EPN2: variants seen among roughly 807,000 people sequenced by gnomAD.
The protein encoded by EPN2 is epsin-2.
EPN2 carries 34 observed loss-of-function variants against 61.7 expected under a neutral mutation model. The observed-to-expected ratio is 0.55, with a 90% CI of 0.42 to 0.73. EPN2 has a LOEUF of 0.73. Ranked by LOEUF, EPN2 falls within the 30% of genes least tolerant of loss-of-function variation. The pLI, the probability that EPN2 is intolerant of heterozygous loss-of-function variation, is 0.00. For synonymous variants in EPN2, 349 were observed against 353.6 expected (o/e 0.99, Z 0.15); for missense variants, 714 against 839.2 (o/e 0.85, Z 1.84).
chr17:19,282,806 T>C lies in EPN2; in HGVS notation c.-170-144T>C, dbSNP rs1389567747. 3.3e-5 allele frequency: 8 copies of C among 246,044 alleles called. No individual in the cohort carries two copies. The South Asian group carries it at 3.4e-4, about 10-fold the overall frequency. The allele number at this position is 246,044 out of a possible 1,614,324, so 15.2% of individuals were successfully genotyped here. A position where few individuals can be genotyped will look rare whatever the true frequency, so the allele number is the denominator to read the frequency against. On this transcript the variant is annotated intron_variant, in intron 2 of 10. Transcript: ENST00000314728. The stretch of plus-strand genomic sequence containing the variant: ...TTTTATTCATTGTTGACTGGTGATA[T>C]TGATTTTATCTTGGGTTCGTCCTAA...
chr17:19,285,907 G>C lies in EPN2; in HGVS notation c.766+117G>C, dbSNP rs2045399923. On this transcript the variant is annotated intron_variant, in intron 4 of 10. Transcript: ENST00000314728. The surrounding 1 kb of genome is among the most constrained non-coding windows in gnomAD (Gnocchi z 4.5). ...TGTCTCCTCTGGGCCTGGGGGTTTGGCCTCCAGCAGGCCCAGGAGCCCTTT... is the reference window on the plus strand; with the variant it reads ...TGTCTCCTCTGGGCCTGGGGGTTTGCCCTCCAGCAGGCCCAGGAGCCCTTT... 6 of 1,399,798 alleles carry C rather than the reference G, an allele frequency of 4.3e-6. 1 individual carries two copies. In the South Asian group the frequency reaches 9.9e-5, roughly 23 times the overall value. The allele number at this position is 1,399,798 out of a possible 1,614,324, so 86.7% of individuals were successfully genotyped here. A position where few individuals can be genotyped will look rare whatever the true frequency, so the allele number is the denominator to read the frequency against.
intron 7 of EPN2, among the ~76,000 whole-genome samples, chr17:19,320,790 T>C (rs1050312973): frequency 3.3e-5 from 5 of 152,174 alleles, no homozygotes; most frequent in African/African-American, 1.2e-4. Context: ...AGCCCCTGAA[T>C]TGGACATTTA....
At chr17:19,289,353 G>T (rs1421850994) in intron 4 of EPN2, among the ~76,000 whole-genome samples, 3 of 151,996 alleles carry the variant, frequency 2.0e-5, no homozygotes, top group Non-Finnish European at 4.4e-5. Context: ...CAAAGTGCTG[G>T]GATTACAGGT....
chr17:19,334,301 G>A lies in EPN2; in HGVS notation c.*47G>A, dbSNP rs946229421. The A allele has an allele frequency of 6.4e-5, 86 of 1,352,018 alleles. No individual in the cohort carries two copies. The highest frequency in any genetic ancestry group is 8.2e-5 in the Non-Finnish European group (85 of 1,037,942). The allele number at this position is 1,352,018 out of a possible 1,614,324, so 83.8% of individuals were successfully genotyped here. ...CAGAGCACCTGTGCTGGAGGATGCCGAGCAGGGACTCTCGTCTGTGGGACG... is the reference window on the plus strand; with the variant it reads ...CAGAGCACCTGTGCTGGAGGATGCCAAGCAGGGACTCTCGTCTGTGGGACG... On this transcript the variant is annotated 3_prime_UTR_variant, in exon 11 of 11. Coordinates refer to ENST00000314728, the MANE Select transcript of EPN2 (RefSeq NM_014964.5). The surrounding 1 kb of genome is among the most constrained non-coding windows in gnomAD (Gnocchi z 4.9).
chr17:19,253,505 C>T (rs1054080649), intron 1 of EPN2, among the ~76,000 whole-genome samples: 13 of 148,056 alleles, frequency 8.8e-5, no homozygotes, highest in Non-Finnish European at 1.6e-4. Flanking sequence ...GCCTTGACTT[C>T]CTGGGCTCAA....
Position 19,283,214 on chromosome 17 carries a change from C to G in EPN2, c.95C>G (p.Pro32Arg). 1 of 1,614,144 alleles carries G rather than the reference C, an allele frequency of 6.2e-7. No homozygotes were observed. Residue 32 changes from proline (P) to arginine (R), a missense_variant, in exon 3 of 11, where the codon CCG becomes CGG. Coordinates refer to ENST00000314728, the MANE Select transcript of EPN2 (RefSeq NM_014964.5). This position sits in a 1 kb window ranked among gnomAD's most constrained non-coding sequence, Gnocchi z 7.0. ...GTCCGGGAAGCCACCTCCAATGACC[C>G]GTGGGGCCCGTCCAGTTCTCTGATG... The part of the protein sequence containing the change: ...IKVREATSND[P>R]WGPSSSLMTE...
At chr17:19,241,059 C>T (rs1407826867) in intron 1 of EPN2, among the ~76,000 whole-genome samples, 7 of 152,064 alleles carry the variant, frequency 4.6e-5, no homozygotes, top group Admixed American at 1.3e-4. Context: ...CTCGAGGTCG[C>T]GCAGCCAGTA....
At chr17:19,289,678 A>G (rs2045440960) in intron 4 of EPN2, among the ~76,000 whole-genome samples, 1 of 147,064 alleles carries the variant, frequency 6.8e-6, no homozygotes, top group African/African-American at 2.5e-5. Flanking sequence ...CAGGGCATGG[A>G]CAGTGCTTAT....
intron 1 of EPN2, among the ~76,000 whole-genome samples, chr17:19,264,669 T>G (rs2152209403): frequency 6.6e-6 from 1 of 152,260 alleles, no homozygotes; most frequent in East Asian, 1.9e-4. Context: ...TGAGGGCATT[T>G]GTGGTTTGGT....
chr17:19,268,829 A>G (rs1263152828), intron 1 of EPN2, among the ~76,000 whole-genome samples: 1 of 152,254 alleles, frequency 6.6e-6, no homozygotes, highest in Non-Finnish European at 1.5e-5. Context: ...TGTGCATAAC[A>G]ACAGAGAGAA....
chr17:19,268,177 C>T (rs2045219081), intron 1 of EPN2, among the ~76,000 whole-genome samples: 1 of 152,162 alleles, frequency 6.6e-6, no homozygotes, highest in African/African-American at 2.4e-5. Flanking sequence ...GGCCCCAAGT[C>T]TTGTCCTTGT....
chr17:19,334,527 A>G lies in EPN2; in HGVS notation c.*273A>G, dbSNP rs1414457723. ...AGGCCTTGGACGAGGACGTGGAGTC[A>G]TCAGTGTTGCCCTTGCCCCTAACCT... On this transcript the variant is annotated 3_prime_UTR_variant, in exon 11 of 11. Transcript: ENST00000314728. The surrounding 1 kb of genome is among the most constrained non-coding windows in gnomAD (Gnocchi z 4.9). 3 of 314,950 alleles carry G rather than the reference A, an allele frequency of 9.5e-6. No homozygotes were observed. The highest frequency in any genetic ancestry group is 1.7e-5 in the Non-Finnish European group (3 of 172,580). 19.5% of individuals were successfully genotyped at this position (314,950 alleles called of 1,614,324 possible).
At chr17:19,333,893 C>T in intron 10 of EPN2, 63 bp from the exon 11 acceptor site, 1 of 1,411,728 alleles carries the variant, frequency 7.1e-7, no homozygotes, top group Non-Finnish European at 9.5e-7. Context: ...CAGTCCCTGA[C>T]CTGGGAGCTC....
In EPN2 at chr17:19,282,024, C is replaced by G. The variant is rs1413551871; in HGVS notation, c.-224C>G. ...CTGGTGATGAGGCAGATGAAGGTTA[C>G]CAAACTTGTGGACAGGAGCCTCATA... On this transcript the variant is annotated 5_prime_UTR_variant, in exon 2 of 11. Transcript: ENST00000314728. 2 of 152,128 alleles carry G rather than the reference C, an allele frequency of 1.3e-5. No homozygotes were observed. Among genetic ancestry groups the G allele is most frequent in the African/African-American group, 4.8e-5 (2 of 41,414 alleles). 9.4% of individuals were successfully genotyped at this position (152,128 alleles called of 1,614,324 possible).
At chr17:19,310,283 AC>A (rs200917480) in intron 5 of EPN2, among the ~76,000 whole-genome samples, 1,571 of 152,304 alleles carry the variant, frequency 0.01, 28 homozygotes, top group African/African-American at 0.036. Flanking sequence ...TTGTGCAGAC[AC>A]GTGTCTGGGC....
intron 7 of EPN2, among the ~76,000 whole-genome samples, chr17:19,318,536 C>T (rs193183871): frequency 4.3e-4 from 5 of 11,618 alleles, no homozygotes; most frequent in Non-Finnish European, 1.9e-3. Flanking sequence ...GGCAACAGAG[C>T]GAGACTCCAT....
At chr17:19,239,798 C>T (rs1218448338) in intron 1 of EPN2, among the ~76,000 whole-genome samples, 1 of 152,142 alleles carries the variant, frequency 6.6e-6, no homozygotes, top group Non-Finnish European at 1.5e-5. Flanking sequence ...GCCAAGCACT[C>T]GAGGTGTGAA....
intron 1 of EPN2, among the ~76,000 whole-genome samples, chr17:19,279,396 G>A (rs1460623710): frequency 1.3e-5 from 2 of 152,106 alleles, no homozygotes; most frequent in African/African-American, 4.8e-5. Flanking sequence ...GGGGAGGGCA[G>A]CAGAGCCCAG....
At chr17:19,254,447 A>G (rs1292653911) in intron 1 of EPN2, among the ~76,000 whole-genome samples, 1 of 152,140 alleles carries the variant, frequency 6.6e-6, no homozygotes, top group Non-Finnish European at 1.5e-5. Flanking sequence ...AGGCTGAGGC[A>G]GGAGAATCCC....
Sources: allele counts gnomAD v4.1 joint callset (sites outside exome capture counted in the v4.1 genomes callset), GRCh38; gene constraint gnomAD v4.1.1; non-coding constraint Gnocchi (gnomAD v3.1); transcripts MANE v1.5; gene names NCBI Gene and HGNC (gene_info 2026-07-23, HGNC 2026-07-21).